The following EYA2 variants were observed in gnomAD, a reference collection of about 807,000 sequenced individuals.
The protein encoded by EYA2 is protein phosphatase EYA2.
Under a neutral mutation model 69.2 loss-of-function variants are expected in EYA2, and 31 were observed. That is an observed-to-expected ratio of 0.45 (90% CI 0.34 to 0.60). The LOEUF is 0.60. Among genes scored for constraint, EYA2 ranks in the 20% least tolerant of loss-of-function variants. EYA2 has a pLI of 0.02. For synonymous variants in EYA2, 257 were observed against 279.4 expected, an observed-to-expected ratio of 0.92 and a Z score of 0.80; for missense variants, 622 against 701.2, an observed-to-expected ratio of 0.89 and a Z score of 1.28.
At position 47,045,336 on chromosome 20, in the gene EYA2, T is replaced by C. The variant is rs77599979; in HGVS notation, c.416-26849T>C. Among the ~76,000 whole-genome samples the C allele has an allele frequency of 7.3e-3, 1,117 of 152,272 alleles. 14 individuals are homozygous for C. The highest frequency in any genetic ancestry group is 0.026 in the African/African-American group (1,067 of 41,560). ...TTCCTCATAGCATAGTACTGGGTTC[T>C]AAGGAAAAGAAGGTGGAAACTGCCA... On this transcript the variant is annotated intron_variant, in intron 5 of 15. Transcript: ENST00000327619.
intron 1 of EYA2, among the ~76,000 whole-genome samples, chr20:46,908,757 G>A (rs1984487450): frequency 6.6e-6 from 1 of 151,512 alleles, no homozygotes; most frequent in South Asian, 2.1e-4. Context: ...ATCACTATGA[G>A]GAACCACCAG....
At chr20:47,137,648 G>C (rs1352853828) in intron 9 of EYA2, among the ~76,000 whole-genome samples, 1 of 152,222 alleles carries the variant, frequency 6.6e-6, no homozygotes, top group African/African-American at 2.4e-5. Context: ...GCTGCATTCA[G>C]CAGGCAGCCC....
chr20:47,057,761 A>G (rs1366826376), intron 5 of EYA2, among the ~76,000 whole-genome samples: 1 of 152,188 alleles, frequency 6.6e-6, no homozygotes, highest in African/African-American at 2.4e-5. Context: ...CTGGCATGTC[A>G]GATCCATGGG....
intron 4 of EYA2, among the ~76,000 whole-genome samples, chr20:47,010,898 C>T (rs929467996): frequency 2.0e-5 from 3 of 151,582 alleles, no homozygotes; most frequent in Admixed American, 1.3e-4. Flanking sequence ...AGTGATTCTC[C>T]TGCTTCAGCC....
At chr20:46,956,078 T>C (rs1400815494) in intron 1 of EYA2, among the ~76,000 whole-genome samples, 2 of 152,248 alleles carry the variant, frequency 1.3e-5, no homozygotes, top group African/African-American at 4.8e-5. Flanking sequence ...TCTTCCACAT[T>C]TTTCTTCATA....
At chr20:46,914,369 C>G (rs1984796303) in intron 1 of EYA2, among the ~76,000 whole-genome samples, 1 of 152,188 alleles carries the variant, frequency 6.6e-6, no homozygotes, top group South Asian at 2.1e-4. Context: ...TCAGTTTTCT[C>G]ATCTGTGGAG....
At chr20:46,932,767 TCCTAG>T (rs1985728021) in intron 1 of EYA2, among the ~76,000 whole-genome samples, 2 of 152,024 alleles carry the variant, frequency 1.3e-5, no homozygotes, top group Non-Finnish European at 2.9e-5. Context: ...GTGCCTGTAT[TCCTAG>T]CTACGTGGAT....
intron 4 of EYA2, among the ~76,000 whole-genome samples, chr20:47,011,073 G>A (rs902406643): frequency 6.6e-6 from 1 of 152,114 alleles, no homozygotes; most frequent in Non-Finnish European, 1.5e-5. Flanking sequence ...GCAGACATGA[G>A]CCACCATGCC....
At chr20:46,933,844 C>T (rs1426931407) in intron 1 of EYA2, among the ~76,000 whole-genome samples, 1 of 152,160 alleles carries the variant, frequency 6.6e-6, no homozygotes, top group Non-Finnish European at 1.5e-5. Flanking sequence ...ATGAGAGAGG[C>T]AGGAAGACAT....
At chr20:46,942,909 A>T (rs1029390517) in intron 1 of EYA2, among the ~76,000 whole-genome samples, 1 of 152,162 alleles carries the variant, frequency 6.6e-6, no homozygotes, top group African/African-American at 2.4e-5. Context: ...AGGATTACAG[A>T]CACGTGCTAC....
intron 9 of EYA2, among the ~76,000 whole-genome samples, chr20:47,116,853 G>C (rs2032908076): frequency 6.6e-6 from 1 of 152,248 alleles, no homozygotes; most frequent in Admixed American, 6.5e-5. Context: ...GATTGCTGCT[G>C]CAGGGATGGA....
chr20:47,095,842 A>G (rs1180435893), intron 8 of EYA2: 1 of 152,228 alleles, frequency 6.6e-6, no homozygotes, highest in Non-Finnish European at 1.5e-5. Flanking sequence ...GTATTCAAGC[A>G]AAACAAGGAA....
At chr20:47,007,230 C>T (rs2146355054) in intron 4 of EYA2, among the ~76,000 whole-genome samples, 1 of 152,278 alleles carries the variant, frequency 6.6e-6, no homozygotes, top group East Asian at 1.9e-4. Context: ...TGTACCTGGC[C>T]CCAGATTTTT....
At chr20:46,900,431 G>T (rs1984041045) in intron 1 of EYA2, among the ~76,000 whole-genome samples, 1 of 152,182 alleles carries the variant, frequency 6.6e-6, no homozygotes, top group Non-Finnish European at 1.5e-5. Flanking sequence ...AATCATGCCA[G>T]AGACAGCCGG....
intron 1 of EYA2, among the ~76,000 whole-genome samples, chr20:46,905,261 C>T (rs752180083): frequency 2.0e-5 from 3 of 152,106 alleles, no homozygotes; most frequent in African/African-American, 4.8e-5. Context: ...TTGGACAGAT[C>T]GAGTGACTGC....
Position 46,989,982 on chromosome 20 carries a change from T to C in EYA2, c.-10-19T>C. 1 of 1,195,102 alleles carries C rather than the reference T, an allele frequency of 8.4e-7. No individual in the cohort carries two copies. Among genetic ancestry groups the C allele is most frequent in the Non-Finnish European group, 1.3e-6 (1 of 799,098 alleles). The allele number at this position is 1,195,102 out of a possible 1,614,324, so 74.0% of individuals were successfully genotyped here. A position where few individuals can be genotyped will look rare whatever the true frequency, so the allele number is the denominator to read the frequency against. On this transcript the variant is annotated intron_variant, in intron 1 of 15. Transcript: ENST00000327619. ...GCATAATTAATGAATAAATTATATT[T>C]CCCTTTGTTTTCTTTCAGGTACAAG...
intron 1 of EYA2, among the ~76,000 whole-genome samples, chr20:46,977,763 A>G (rs1980549856): frequency 6.6e-6 from 1 of 152,156 alleles, no homozygotes; most frequent in Non-Finnish European, 1.5e-5. Context: ...GATGATTCCC[A>G]ACACATTGCA....
intron 1 of EYA2, among the ~76,000 whole-genome samples, chr20:46,956,636 A>C (rs1237844477): frequency 6.6e-6 from 1 of 152,250 alleles, no homozygotes. Flanking sequence ...CATTAGCCGG[A>C]ACTCAGTCAC....
chr20:47,034,003 A>T (rs1984559282), intron 5 of EYA2, among the ~76,000 whole-genome samples: 1 of 152,202 alleles, frequency 6.6e-6, no homozygotes. Context: ...CCTTTCTGTC[A>T]TCTTTCAGCC....
Sources: allele counts gnomAD v4.1 joint callset (sites outside exome capture counted in the v4.1 genomes callset), GRCh38; gene constraint gnomAD v4.1.1; transcripts MANE v1.5; gene names NCBI Gene and HGNC (gene_info 2026-07-23, HGNC 2026-07-21).